ATAD3B: variants seen among roughly 807,000 people sequenced by gnomAD.
ATAD3B encodes ATPase family AAA domain containing 3B.
In ATAD3B, 59 loss-of-function variants were observed where a neutral mutation model predicts 70.2. The observed-to-expected ratio is 0.84, with a 90% CI of 0.68 to 1.04. The LOEUF is 1.04. ATAD3B is among the 50% of genes least tolerant of loss of function. The pLI is 0.00. For missense variants in ATAD3B, 961 were observed against 913.4 expected (o/e 1.05, Z -0.67); for synonymous variants, 423 against 388.6 (o/e 1.09, Z -1.04).
chr1:1,498,738 C>A (rs866194688), downstream of ATAD3B, among the ~76,000 whole-genome samples: 1 of 150,824 alleles, frequency 6.6e-6, no homozygotes, highest in Non-Finnish European at 1.5e-5. Flanking sequence ...AGTCTCACTC[C>A]GTCGCCCAGG....
rs576324069 is a variant in ATAD3B at position 1,479,928 on chromosome 1, A to C, written c.444+820A>C. Among the ~76,000 whole-genome samples the C allele has an allele frequency of 2.8e-3, 396 of 143,402 alleles. 40 individuals carry two copies. Among genetic ancestry groups the C allele is most frequent in the African/African-American group, 9.9e-3 (375 of 37,988 alleles). The allele number at this position is 143,402 out of a possible 152,430, so 94.1% of individuals were successfully genotyped here. A position where few individuals can be genotyped will look rare whatever the true frequency, so the allele number is the denominator to read the frequency against. Reference sequence around the variant, plus strand: ...CACACGGGCGCGCACACACCCGGACATGCACAAACACCCACCTGCACACAC... The same window carrying C: ...CACACGGGCGCGCACACACCCGGACCTGCACAAACACCCACCTGCACACAC... On this transcript the variant is annotated intron_variant, in intron 4 of 15. Transcript: ENST00000673477.
the ATAD3B span, among the ~76,000 whole-genome samples, chr1:1,508,038 G>A: frequency 7.5e-3 from 1,137 of 152,292 alleles, 20 homozygotes; most frequent in African/African-American, 0.026. Context: ...GGGTGGCCCC[G>A]TGAGCATCTG....
chr1:1,500,923 C>T (rs1291794683), downstream of ATAD3B, among the ~76,000 whole-genome samples: 1 of 152,034 alleles, frequency 6.6e-6, no homozygotes, highest in Non-Finnish European at 1.5e-5. Flanking sequence ...CGGCACTGCA[C>T]TGCAGCCTGG....
At position 1,488,102 on chromosome 1, in the gene ATAD3B, T is replaced by G. The variant is rs1011164696; in HGVS notation, c.1266+188T>G. ...CCTGAGTAGCTGGGATTACAGGTGT[T>G]TGCCACCACACCTAGTTAAGTTTTT... is the stretch of plus-strand genomic sequence containing the variant. On this transcript the variant is annotated intron_variant, in intron 12 of 15. Transcript: ENST00000673477. Among the ~76,000 whole-genome samples the G allele has an allele frequency of 1.4e-4, 21 of 151,814 alleles. 1 individual carries two copies. Among genetic ancestry groups the G allele is most frequent in the African/African-American group, 4.6e-4 (19 of 41,368 alleles).
At chr1:1,478,435 G>A in intron 2 of ATAD3B, 2 of 1,525,838 alleles carry the variant, frequency 1.3e-6, no homozygotes, top group Non-Finnish European at 1.8e-6. Flanking sequence ...GCCTTCGCAG[G>A]CTTCTCTGCT....
chr1:1,487,990 C>T (rs2100581228), intron 12 of ATAD3B, 76 bp downstream of exon 12: 2 of 1,583,264 alleles, frequency 1.3e-6, no homozygotes, highest in Non-Finnish European at 8.7e-7. Context: ...GGCCAGGCTG[C>T]AGCCCTTAAG....
At chr1:1,494,483 C>T (rs1394376756) in intron 15 of ATAD3B, among the ~76,000 whole-genome samples, 12 of 151,816 alleles carry the variant, frequency 7.9e-5, no homozygotes, top group Admixed American at 7.2e-4. Context: ...CCCACAGTGG[C>T]GGTCCGGCTC....
the ATAD3B span, among the ~76,000 whole-genome samples, chr1:1,506,538 G>C: frequency 1.3e-5 from 2 of 151,994 alleles, no homozygotes; most frequent in African/African-American, 4.8e-5. Flanking sequence ...TGGGATTACC[G>C]GCGTGGGCCA....
chr1:1,489,552 G>A (rs1570263601), intron 13 of ATAD3B: 6 of 1,008,726 alleles, frequency 5.9e-6, no homozygotes, highest in Admixed American at 2.7e-5. Flanking sequence ...AGATTTCTGC[G>A]GTCCTGTGCC....
rs572465492 is a variant in ATAD3B, at chr1:1,480,175, G to A, written c.445-692G>A. On this transcript the variant is annotated intron_variant, in intron 4 of 15. Transcript: ENST00000673477. ...TACATACGGGCACGCACCTGCACAC[G>A]AGGGCACACCCCCACCCCCCACCCC... Among the ~76,000 whole-genome samples, 13 of 132,128 alleles carry A rather than the reference G, an allele frequency of 9.8e-5. 1 individual carries two copies. Among genetic ancestry groups the A allele is most frequent in the African/African-American group, 2.7e-4 (9 of 32,954 alleles). 86.7% of individuals were successfully genotyped at this position (132,128 alleles called of 152,430 possible).
At chr1:1,492,550 C>CT (rs2100597414) in intron 15 of ATAD3B, among the ~76,000 whole-genome samples, 1 of 151,582 alleles carries the variant, frequency 6.6e-6, no homozygotes, top group South Asian at 2.1e-4. Context: ...AATCCCAGCA[C>CT]TTTGGGAGGC....
In ATAD3B at chr1:1,495,661, C is replaced by T. The variant is rs745487182; in HGVS notation, c.1791C>T (p.Ser597=). ...GVQGETLTSW[S]LATDPSYPCL... ...AAGGCGAGACCCTCACCTCATGGAG[C>T]CTGGCCACGGACCCCTCCTACCCCT... Residue 597 remains serine, a synonymous_variant, in exon 16 of 16, where the codon AGC becomes AGT. Coordinates refer to ENST00000673477, the MANE Select transcript of ATAD3B (RefSeq NM_031921.6). The T allele has an allele frequency of 1.2e-5, 19 of 1,612,940 alleles. No homozygotes were observed. Among genetic ancestry groups the T allele is most frequent in the Non-Finnish European group, 1.6e-5 (19 of 1,179,348 alleles).
intron 15 of ATAD3B, among the ~76,000 whole-genome samples, chr1:1,494,514 C>T (rs1482014679): frequency 7.3e-5 from 11 of 151,648 alleles, no homozygotes; most frequent in East Asian, 1.9e-4. Flanking sequence ...CTCCTGCGCT[C>T]CCGGGCCCCC....
rs764241810 is a variant in ATAD3B, at chr1:1,477,332, G to A, written c.264G>A (p.Glu88=). The change falls in exon 2 of 16, where the codon GAG becomes GAA. Residue 88 remains glutamate, a synonymous_variant. Coordinates refer to ENST00000673477, the MANE Select transcript of ATAD3B (RefSeq NM_031921.6). ...AQMQEQTLQL[E]QQSKLKEYEA... Reference sequence around the variant, plus strand: ...TGCAGGAGCAGACGCTGCAGTTGGAGCAACAGTCCAAGCTCAAAGTGAGTG... The same window carrying A: ...TGCAGGAGCAGACGCTGCAGTTGGAACAACAGTCCAAGCTCAAAGTGAGTG... The A allele has an allele frequency of 6.2e-7, 1 of 1,612,232 alleles. No individual in the cohort carries two copies. Among genetic ancestry groups the A allele is most frequent in the Non-Finnish European group, 8.5e-7 (1 of 1,179,714 alleles).
intron 8 of ATAD3B, 32 bp downstream of exon 8, chr1:1,485,203 C>G (rs778973777): frequency 1.2e-6 from 2 of 1,602,650 alleles, no homozygotes; most frequent in Non-Finnish European, 1.7e-6. Context: ...TCCCTGAGTG[C>G]AGTTCCTGGC....
chr1:1,507,274 A>G, the ATAD3B span, among the ~76,000 whole-genome samples: 2 of 152,182 alleles, frequency 1.3e-5, no homozygotes, highest in African/African-American at 4.8e-5. Context: ...AAAAGCTTCC[A>G]GTTTTTCACC....
At chr1:1,502,757 C>A (rs1412207684), downstream of ATAD3B, among the ~76,000 whole-genome samples, 3 of 151,326 alleles carry the variant, frequency 2.0e-5, no homozygotes, top group Non-Finnish European at 4.4e-5. Context: ...GGCGATCCAC[C>A]CGCCTCGGCC....
chr1:1,477,208 C>T (rs1416732040), intron 1 of ATAD3B, 66 bp from the exon 2 acceptor site: 3 of 1,588,684 alleles, frequency 1.9e-6, no homozygotes, highest in East Asian at 4.5e-5. Flanking sequence ...TTGGGTTTCA[C>T]CATGTTGGCC....
intron 12 of ATAD3B, 21 bp downstream of exon 12, chr1:1,487,935 G>C: frequency 6.2e-7 from 1 of 1,612,684 alleles, no homozygotes; most frequent in African/African-American, 1.3e-5. Flanking sequence ...CTAAGCCTCT[G>C]TCTGGCCACA....
Sources: gnomAD v4.1 joint callset for allele counts (sites outside exome capture counted in the v4.1 genomes callset) on GRCh38, gnomAD v4.1.1 for gene constraint, MANE v1.5 for transcripts, NCBI Gene and HGNC (gene_info 2026-07-23, HGNC 2026-07-21) for gene names.